Variants in PSAT1 observed in about 807,000 individuals in gnomAD.
PSAT1 encodes the protein phosphoserine aminotransferase 1.
In PSAT1, 41 loss-of-function variants were observed where a neutral mutation model predicts 40.3. The ratio of observed to expected loss-of-function variants is 1.02; its 90% CI spans 0.79 to 1.32. The LOEUF is 1.32. Among genes scored for constraint, PSAT1 ranks in the 40% most tolerant of loss-of-function variants. The probability of loss-of-function intolerance (pLI) is 0.00; values close to 1 mark genes in which losing one functional copy is unlikely to be tolerated. For synonymous variants in PSAT1, 147 were observed against 170.5 expected (o/e 0.86, Z 1.07); for missense variants, 406 against 455.8 (o/e 0.89, Z 0.99).
Position 78,329,128 on chromosome 9 carries a change from C to G in PSAT1, c.*42C>G, listed in dbSNP as rs772682516. 33 of 1,430,706 alleles carry G rather than the reference C, an allele frequency of 2.3e-5. No individual in the cohort carries two copies. The highest frequency in any genetic ancestry group is 3.1e-5 in the Non-Finnish European group (31 of 1,014,808). The allele number at this position is 1,430,706 out of a possible 1,614,324, so 88.6% of individuals were successfully genotyped here. ...ATATACTCTGTTCTTGAACAACATA[C>G]AAAGTTTAAAGTAACTTGGGGATGG... On this transcript the variant is annotated 3_prime_UTR_variant, in exon 9 of 9. Transcript: ENST00000376588.
intron 6 of PSAT1, among the ~76,000 whole-genome samples, chr9:78,310,674 G>T (rs1828254114): frequency 6.6e-6 from 1 of 151,588 alleles, no homozygotes; most frequent in African/African-American, 2.4e-5. Flanking sequence ...GCAGTGGCGT[G>T]ATCTCAGCTC....
chr9:78,329,463 C>A lies in PSAT1; in HGVS notation c.*377C>A. 1.2e-4 allele frequency: 34 copies of A among 276,386 alleles called. No homozygotes were observed. The highest frequency in any genetic ancestry group is 1.9e-4 in the South Asian group (5 of 26,352). The allele number at this position is 276,386 out of a possible 1,614,324, so 17.1% of individuals were successfully genotyped here. A position where few individuals can be genotyped will look rare whatever the true frequency, so the allele number is the denominator to read the frequency against. On this transcript the variant is annotated 3_prime_UTR_variant, in exon 9 of 9. Coordinates refer to ENST00000376588, the MANE Select transcript of PSAT1 (RefSeq NM_058179.4). ...ACACAGCACAGAGGGTAGGGGGGCC[C>A]TCTAGGTGCTGAATCTACACATCTG...
At chr9:78,302,213 T>C (rs1828117531) in intron 3 of PSAT1, among the ~76,000 whole-genome samples, 190 bp downstream of exon 3, 1 of 152,206 alleles carries the variant, frequency 6.6e-6, no homozygotes, top group African/African-American at 2.4e-5. Context: ...CGTGTTTATA[T>C]GTTTTTGTTT....
At position 78,299,676 on chromosome 9, in the gene PSAT1, C is replaced by T. The variant is rs562125873; in HGVS notation, c.61-926C>T. 1.6e-3 allele frequency among the ~76,000 whole-genome samples: 248 copies of T among 152,026 alleles called. 1 individual carries two copies. Among genetic ancestry groups the T allele is most frequent in the Middle Eastern group, 3.4e-3 (1 of 294 alleles). ...TACAGGCACCCACCACCAAGCCCAGCTAATTTTTGTATTTTTAGTAGAGAC... is the reference window on the plus strand; with the variant it reads ...TACAGGCACCCACCACCAAGCCCAGTTAATTTTTGTATTTTTAGTAGAGAC... On this transcript the variant is annotated intron_variant, in intron 1 of 8. Transcript: ENST00000376588.
intron 7 of PSAT1, among the ~76,000 whole-genome samples, chr9:78,322,670 C>T (rs752215131): frequency 6.6e-6 from 1 of 151,982 alleles, no homozygotes; most frequent in African/African-American, 2.4e-5. Context: ...TAGGCAAGAA[C>T]CCACAGATGA....
intron 1 of PSAT1, among the ~76,000 whole-genome samples, chr9:78,300,260 C>T (rs1219590566): frequency 1.3e-5 from 2 of 152,130 alleles, no homozygotes; most frequent in Non-Finnish European, 2.9e-5. Flanking sequence ...TTATCGTTGT[C>T]CCTTTAACCC....
intron 5 of PSAT1, 90 bp from the exon 6 acceptor site, chr9:78,308,324 A>T (rs1397681701): frequency 3.4e-6 from 5 of 1,452,110 alleles, no homozygotes; most frequent in African/African-American, 1.4e-5. Context: ...TCCTTAAAAA[A>T]ATTGTGCTTC....
intron 1 of PSAT1, 97 bp from the exon 2 acceptor site, chr9:78,300,505 T>C: frequency 6.8e-7 from 1 of 1,476,442 alleles, no homozygotes; most frequent in South Asian, 1.4e-5. Flanking sequence ...GACCTCACTG[T>C]AGACCCTTCC....
intron 7 of PSAT1, among the ~76,000 whole-genome samples, chr9:78,327,845 G>A (rs538906015): frequency 2.6e-5 from 4 of 152,232 alleles, no homozygotes; most frequent in African/African-American, 9.6e-5. Flanking sequence ...AGTCATACAA[G>A]GGGATGATAA....
At chr9:78,325,349 A>G (rs1828481370) in intron 7 of PSAT1, among the ~76,000 whole-genome samples, 1 of 152,170 alleles carries the variant, frequency 6.6e-6, no homozygotes, top group African/African-American at 2.4e-5. Context: ...TAAAACACAG[A>G]CCGCATTTTG....
chr9:78,307,087 G>C (rs1421654483), intron 5 of PSAT1, among the ~76,000 whole-genome samples: 4 of 152,102 alleles, frequency 2.6e-5, no homozygotes, highest in Admixed American at 2.6e-4. Flanking sequence ...TAAATATACT[G>C]GTCAGTGGCA....
At chr9:78,313,812 A>T (rs1216927342) in intron 6 of PSAT1, among the ~76,000 whole-genome samples, 1 of 151,980 alleles carries the variant, frequency 6.6e-6, no homozygotes, top group African/African-American at 2.4e-5. Context: ...GCCTGGCTAC[A>T]TTAAAAAAAA....
intron 6 of PSAT1, among the ~76,000 whole-genome samples, chr9:78,310,984 C>T (rs1330928863): frequency 1.3e-5 from 2 of 152,226 alleles, no homozygotes; most frequent in African/African-American, 2.4e-5. Context: ...CAGCTCCTCA[C>T]ATTGTGTCTC....
At chr9:78,300,303 G>GA (rs1828088488) in intron 1 of PSAT1, among the ~76,000 whole-genome samples, 1 of 152,164 alleles carries the variant, frequency 6.6e-6, no homozygotes, top group South Asian at 2.1e-4. Context: ...TTAGCTTTAG[G>GA]AGAGTGGTGA....
At position 78,329,111 on chromosome 9, in the gene PSAT1, T is replaced by C. The variant is rs768266832; in HGVS notation, c.*25T>C. The C allele has an allele frequency of 6.6e-7, 1 of 1,507,346 alleles. No homozygotes were observed. The highest frequency in any genetic ancestry group is 9.2e-7 in the Non-Finnish European group (1 of 1,084,214). The allele number at this position is 1,507,346 out of a possible 1,614,324, so 93.4% of individuals were successfully genotyped here. A position where few individuals can be genotyped will look rare whatever the true frequency, so the allele number is the denominator to read the frequency against. ...AACACATCCTAACCAGGATATACTC[T>C]GTTCTTGAACAACATACAAAGTTTA... is the stretch of plus-strand genomic sequence containing the variant. On this transcript the variant is annotated 3_prime_UTR_variant, in exon 9 of 9. Coordinates refer to ENST00000376588, the MANE Select transcript of PSAT1 (RefSeq NM_058179.4).
Position 78,326,955 on chromosome 9 carries a change from A to ATATATTTTTTTTTTTTTTT in PSAT1, c.870-1095_870-1094insATATTTTTTTTTTTTTTTT. On this transcript the variant is annotated intron_variant, in intron 7 of 8. Coordinates refer to ENST00000376588, the MANE Select transcript of PSAT1 (RefSeq NM_058179.4). ...CAGCAATATATATATATATATATATATTTTTTTTTTTTTTTTTTGAGACAG... is the reference window on the plus strand; with the variant it reads ...CAGCAATATATATATATATATATATATATATTTTTTTTTTTTTTTTTTTTTTTTTTTTTTTTTGAGACAG... Among the ~76,000 whole-genome samples, 7 of 75,934 alleles carry ATATATTTTTTTTTTTTTTT rather than the reference A, an allele frequency of 9.2e-5. No individual in the cohort carries two copies. The East Asian group carries it at 1.7e-3, about 18-fold the overall frequency. 49.8% of individuals were successfully genotyped at this position (75,934 alleles called of 152,430 possible). A position where few individuals can be genotyped will look rare whatever the true frequency, so the allele number is the denominator to read the frequency against.
At chr9:78,327,890 A>G (rs1828524053) in intron 7 of PSAT1, among the ~76,000 whole-genome samples, 161 bp from the exon 8 acceptor site, 1 of 152,188 alleles carries the variant, frequency 6.6e-6, no homozygotes, top group Admixed American at 6.5e-5. Flanking sequence ...TGTTTTCCCT[A>G]AGTAAACAAT....
In PSAT1 at chr9:78,317,150, T is replaced by A. The variant is rs982580721; in HGVS notation, c.741-526T>A. ...GTTTAGTGAAAAATCTGATTAAACC[T>A]TTTTCTGAATGGCCCTCAGGGATCT... On this transcript the variant is annotated intron_variant, in intron 6 of 8. Coordinates refer to ENST00000376588, the MANE Select transcript of PSAT1 (RefSeq NM_058179.4). 6.6e-5 allele frequency among the ~76,000 whole-genome samples: 10 copies of A among 152,222 alleles called. No homozygotes were observed. The East Asian group carries it at 1.3e-3, about 21-fold the overall frequency.
chr9:78,303,046 T>C lies in PSAT1; in HGVS notation c.191+1023T>C, dbSNP rs77812953. On this transcript the variant is annotated intron_variant, in intron 3 of 8. Coordinates refer to ENST00000376588, the MANE Select transcript of PSAT1 (RefSeq NM_058179.4). ...CCATTTTTTTTCCTGCTCACAGAAATAATGCACATTTATGGTAGGAAAAAC... is the reference window on the plus strand; with the variant it reads ...CCATTTTTTTTCCTGCTCACAGAAACAATGCACATTTATGGTAGGAAAAAC... Among the ~76,000 whole-genome samples, 93 of 152,206 alleles carry C rather than the reference T, an allele frequency of 6.1e-4. No individual in the cohort carries two copies. In the East Asian group the frequency reaches 0.018, roughly 29 times the overall value.
Sources: allele counts gnomAD v4.1 joint callset (sites outside exome capture counted in the v4.1 genomes callset), GRCh38; gene constraint gnomAD v4.1.1; transcripts MANE v1.5; gene names NCBI Gene and HGNC (gene_info 2026-07-23, HGNC 2026-07-21).